Variants in ZNF362 observed in about 807,000 individuals in gnomAD.
ZNF362 encodes the protein zinc finger protein 362, also known as rotund homolog.
A neutral mutation model predicts 42.9 loss-of-function variants in ZNF362; 11 were observed. That is an observed-to-expected ratio of 0.26 (90% confidence interval 0.16 to 0.42). The LOEUF (loss-of-function observed/expected upper bound fraction) is 0.42, where lower values mean the gene tolerates loss of function less well. ZNF362 is among the 20% of genes least tolerant of loss of function. The probability of loss-of-function intolerance (pLI) is 1.00; values close to 1 mark genes in which losing one functional copy is unlikely to be tolerated. For synonymous variants in ZNF362, 255 were observed against 257.3 expected (o/e 0.99, Z 0.09); for missense variants, 362 against 576.2 (o/e 0.63, Z 3.81).
At chr1:33,198,420 C>A in the ZNF362 span, among the ~76,000 whole-genome samples, 1 of 152,162 alleles carries the variant, frequency 6.6e-6, no homozygotes, top group African/African-American at 2.4e-5. Flanking sequence ...AATCCCAGCA[C>A]TTTGTAAGGC....
chr1:33,223,656 G>T, the ZNF362 span, among the ~76,000 whole-genome samples: 2 of 152,202 alleles, frequency 1.3e-5, no homozygotes, highest in Non-Finnish European at 2.9e-5. Flanking sequence ...ACTTTGGGAG[G>T]CTGAGGCGGG....
At chr1:33,153,376 A>T in the ZNF362 span, among the ~76,000 whole-genome samples, 1 of 152,230 alleles carries the variant, frequency 6.6e-6, no homozygotes, top group Non-Finnish European at 1.5e-5. Context: ...TCTGGCAGGC[A>T]GCTTTCTCTA....
chr1:33,185,993 T>C, the ZNF362 span, among the ~76,000 whole-genome samples: 1 of 152,180 alleles, frequency 6.6e-6, no homozygotes, highest in Non-Finnish European at 1.5e-5. Context: ...TTATATATAT[T>C]TTTGTAATCA....
At chr1:33,210,019 A>C in the ZNF362 span, among the ~76,000 whole-genome samples, 1 of 152,152 alleles carries the variant, frequency 6.6e-6, no homozygotes, top group African/African-American at 2.4e-5. Flanking sequence ...TTGTGATGTT[A>C]GGGTGTCAAT....
At chr1:33,293,446 G>A (rs1164666698) in intron 6 of ZNF362, among the ~76,000 whole-genome samples, 2 of 152,332 alleles carry the variant, frequency 1.3e-5, no homozygotes, top group Non-Finnish European at 2.9e-5. Context: ...GTAGCAGGGA[G>A]TGTTTCTTAC....
At chr1:33,179,074 C>T in the ZNF362 span, among the ~76,000 whole-genome samples, 4 of 152,244 alleles carry the variant, frequency 2.6e-5, no homozygotes, top group Admixed American at 6.5e-5. Context: ...ATAACTTCTC[C>T]AGGCCTCACT....
chr1:33,189,682 T>TATAC, the ZNF362 span, among the ~76,000 whole-genome samples: 3 of 91,898 alleles, frequency 3.3e-5, no homozygotes, highest in African/African-American at 4.6e-5. Context: ...TGTATATATA[T>TATAC]ACGTATATAT....
chr1:33,281,533 T>G lies in ZNF362; in HGVS notation c.684-54T>G. The stretch of plus-strand genomic sequence containing the variant: ...TCTCTCTGATGTAGAAGGCCTCCCC[T>G]GAGATGGACAGTCTGGGGGATCTTC... On this transcript the variant is annotated intron_variant, in intron 5 of 8. Transcript: ENST00000539719. This position sits in a 1 kb window ranked among gnomAD's most constrained non-coding sequence, Gnocchi z 4.8. The G allele has an allele frequency of 5.8e-5, 91 of 1,568,440 alleles. No individual in the cohort carries two copies. Among genetic ancestry groups the G allele is most frequent in the Non-Finnish European group, 7.2e-5 (82 of 1,140,186 alleles).
chr1:33,257,914 C>T (rs901375248), intron 1 of ZNF362, among the ~76,000 whole-genome samples: 1 of 152,108 alleles, frequency 6.6e-6, no homozygotes, highest in Non-Finnish European at 1.5e-5. Context: ...TGAGCTTGGC[C>T]CTTTGCAGTT....
At chr1:33,181,112 G>A in the ZNF362 span, 5 of 1,600,264 alleles carry the variant, frequency 3.1e-6, no homozygotes, top group South Asian at 1.1e-5. The surrounding 1 kb of genome is among the most constrained non-coding windows in gnomAD (Gnocchi z 6.5). Flanking sequence ...AGAGAAGCGC[G>A]CGGTCCGTGA....
At chr1:33,158,395 G>A in the ZNF362 span, 3 of 1,599,358 alleles carry the variant, frequency 1.9e-6, no homozygotes, top group Non-Finnish European at 2.6e-6. Context: ...AAAGGGGGCT[G>A]CACCAGGGAC....
intron 6 of ZNF362, among the ~76,000 whole-genome samples, chr1:33,291,458 G>T (rs573067798): frequency 6.6e-6 from 1 of 152,164 alleles, no homozygotes; most frequent in Non-Finnish European, 1.5e-5. Context: ...TGCTGTTTTG[G>T]TTACTGTAGC....
intron 2 of ZNF362, 93 bp from the exon 3 acceptor site, chr1:33,276,007 C>T: frequency 7.0e-7 from 1 of 1,420,788 alleles, no homozygotes. Flanking sequence ...ATCCCAGACA[C>T]TGGCCCTGAC....
the ZNF362 span, among the ~76,000 whole-genome samples, chr1:33,168,803 TGAG>T: frequency 2.8e-4 from 43 of 152,286 alleles, 1 homozygote; most frequent in African/African-American, 9.1e-4. Context: ...AGGCAGATGT[TGAG>T]GAGATGGGCC....
In ZNF362 at chr1:33,270,630, C is replaced by T. The variant is rs1255148257; in HGVS notation, c.38+18C>T. 6.2e-7 allele frequency: 1 copy of T among 1,611,106 alleles called. No individual in the cohort carries two copies. Among genetic ancestry groups the T allele is most frequent in the Non-Finnish European group, 8.5e-7 (1 of 1,178,980 alleles). Reference sequence around the variant, plus strand: ...CACTCTAGGTAAGGAGCCTGTGATTCCAGGTTGCACTCTGTCAATGAGGGT... The same window carrying T: ...CACTCTAGGTAAGGAGCCTGTGATTTCAGGTTGCACTCTGTCAATGAGGGT... On this transcript the variant is annotated intron_variant, in intron 2 of 8. Coordinates refer to ENST00000539719, the MANE Select transcript of ZNF362 (RefSeq NM_152493.3).
At chr1:33,293,487 G>T (rs867843173) in intron 6 of ZNF362, among the ~76,000 whole-genome samples, 1 of 152,202 alleles carries the variant, frequency 6.6e-6, no homozygotes, top group African/African-American at 2.4e-5. Flanking sequence ...CTAACACTGG[G>T]CCTGGCCAGA....
the ZNF362 span, among the ~76,000 whole-genome samples, chr1:33,175,706 T>C: frequency 6.6e-6 from 1 of 151,972 alleles, no homozygotes; most frequent in Non-Finnish European, 1.5e-5. Flanking sequence ...TCAGCCTCAT[T>C]TTCTTCATCT....
chr1:33,148,691 C>T, the ZNF362 span, among the ~76,000 whole-genome samples: 2 of 152,140 alleles, frequency 1.3e-5, no homozygotes, highest in African/African-American at 4.8e-5. Context: ...TATACACACA[C>T]AACACTTGAA....
At chr1:33,176,484 A>C in the ZNF362 span, 1 of 688,386 alleles carries the variant, frequency 1.5e-6, no homozygotes, top group Non-Finnish European at 2.7e-6. Context: ...TCCAATGGTC[A>C]CATGAGGCCT....
Sources: allele counts gnomAD v4.1 joint callset (sites outside exome capture counted in the v4.1 genomes callset), GRCh38; gene constraint gnomAD v4.1.1; non-coding constraint Gnocchi (gnomAD v3.1); transcripts MANE v1.5; gene names NCBI Gene and HGNC (gene_info 2026-07-23, HGNC 2026-07-21).